DDX4: variants seen among roughly 807,000 people sequenced by gnomAD.
DDX4 encodes probable ATP-dependent RNA helicase DDX4.
Under a neutral mutation model 100.0 loss-of-function variants are expected in DDX4, and 25 were observed. The observed-to-expected ratio is 0.25, with a 90% confidence interval of 0.18 to 0.35. The LOEUF is 0.35. DDX4 is among the 10% of genes least tolerant of loss of function. The pLI is 1.00. For missense variants in DDX4, 635 were observed against 882.4 expected, an observed-to-expected ratio of 0.72 and a Z score of 3.55; for synonymous variants, 259 against 275.7, an observed-to-expected ratio of 0.94 and a Z score of 0.60.
At chr5:55,755,801 CA>C (rs1255794157) in intron 3 of DDX4, among the ~76,000 whole-genome samples, 1 of 151,870 alleles carries the variant, frequency 6.6e-6, no homozygotes, top group Non-Finnish European at 1.5e-5. Flanking sequence ...ATGTACAGCT[CA>C]CTTAATTATC....
intron 7 of DDX4, among the ~76,000 whole-genome samples, chr5:55,769,333 T>C (rs190474226): frequency 6.6e-6 from 1 of 152,306 alleles, no homozygotes; most frequent in East Asian, 1.9e-4. Flanking sequence ...CTTCTGCATA[T>C]GGCTAGCCAG....
chr5:55,790,222 G>A (rs1171581789), intron 15 of DDX4, among the ~76,000 whole-genome samples: 1 of 140,726 alleles, frequency 7.1e-6, no homozygotes, highest in African/African-American at 2.7e-5. Context: ...TCGGCTCACT[G>A]CAACCTCTGC....
At chr5:55,814,353 A>G (rs556484714) in intron 19 of DDX4, among the ~76,000 whole-genome samples, 7 of 152,338 alleles carry the variant, frequency 4.6e-5, no homozygotes, top group Admixed American at 6.5e-5. Flanking sequence ...CTGTCTCTAC[A>G]TATTAGCTGT....
chr5:55,758,169 A>ATG (rs1760059643), intron 3 of DDX4, among the ~76,000 whole-genome samples: 1 of 152,220 alleles, frequency 6.6e-6, no homozygotes, highest in South Asian at 2.1e-4. Context: ...GTGTTAAATT[A>ATG]TGTAATATAC....
chr5:55,802,986 ATG>A (rs1743419633), intron 18 of DDX4, among the ~76,000 whole-genome samples: 1 of 151,924 alleles, frequency 6.6e-6, no homozygotes, highest in African/African-American at 2.4e-5. Context: ...TTTAGGGTAC[ATG>A]TGCACAACAT....
At chr5:55,806,359 T>C (rs1314669381) in intron 18 of DDX4, among the ~76,000 whole-genome samples, 1 of 152,224 alleles carries the variant, frequency 6.6e-6, no homozygotes, top group Non-Finnish European at 1.5e-5. Flanking sequence ...TTTCTTGCCA[T>C]CTGCTAGCTT....
chr5:55,793,537 TA>T (rs1422746625), intron 17 of DDX4, among the ~76,000 whole-genome samples: 1 of 152,240 alleles, frequency 6.6e-6, no homozygotes, highest in Non-Finnish European at 1.5e-5. Flanking sequence ...GGACTCTTGC[TA>T]TTTTCTCTAG....
intron 18 of DDX4, among the ~76,000 whole-genome samples, chr5:55,800,321 TAA>T (rs1743213875): frequency 1.3e-5 from 2 of 150,046 alleles, no homozygotes; most frequent in Admixed American, 6.6e-5. Flanking sequence ...ATAGTCACCT[TAA>T]GTTTTTTTTT....
chr5:55,781,146 G>A lies in DDX4; in HGVS notation c.577G>A (p.Gly193Ser), dbSNP rs1741886845. The A allele has an allele frequency of 6.2e-7, 1 of 1,607,946 alleles. No individual in the cohort carries two copies. The highest frequency in any genetic ancestry group is 8.5e-7 in the Non-Finnish European group (1 of 1,177,776). The change falls in exon 9 of 22, where the codon GGT becomes AGT. Residue 193 changes from glycine to serine, a missense_variant and splice_region_variant. Gly to Ser is a moderately conservative substitution (Grantham distance 56). This residue lies in a region of DDX4 where 446 missense variants were observed against 540.8 expected (regional missense o/e 0.82). Coordinates refer to ENST00000505374, the MANE Select transcript of DDX4 (RefSeq NM_024415.3). ...GSRRPVLSGT[G>S]NGDTSQSRSG... ...TAGAAGACCAGTATTAAGTGGCACAGGTGAGAAATAGAACTTATTACTGAA... is the reference window on the plus strand; with the variant it reads ...TAGAAGACCAGTATTAAGTGGCACAAGTGAGAAATAGAACTTATTACTGAA...
At chr5:55,774,172 CAG>C (rs1741421587) in intron 7 of DDX4, among the ~76,000 whole-genome samples, 1 of 149,016 alleles carries the variant, frequency 6.7e-6, no homozygotes, top group Non-Finnish European at 1.5e-5. Flanking sequence ...GTTTTTGAGA[CAG>C]AGTCTCGCTC....
chr5:55,781,927 C>T lies in DDX4; in HGVS notation c.578-7C>T, dbSNP rs1173568023. On this transcript the variant is annotated splice_polypyrimidine_tract_variant and splice_region_variant and intron_variant, in intron 9 of 21. Coordinates refer to ENST00000505374, the MANE Select transcript of DDX4 (RefSeq NM_024415.3). ...ATCTAAATATGTTGTGAAACAATGCCTTACAGGTAATGGTGATACTTCTCA... is the reference window on the plus strand; with the variant it reads ...ATCTAAATATGTTGTGAAACAATGCTTTACAGGTAATGGTGATACTTCTCA... 1.4e-5 allele frequency: 22 copies of T among 1,613,920 alleles called. No homozygotes were observed. Among genetic ancestry groups the T allele is most frequent in the Non-Finnish European group, 1.9e-5 (22 of 1,179,930 alleles).
Position 55,739,008 on chromosome 5 carries a change from T to A in DDX4, c.45T>A (p.Ser15=). 1 of 1,600,298 alleles carries A rather than the reference T, an allele frequency of 6.2e-7. No individual in the cohort carries two copies. Among genetic ancestry groups the A allele is most frequent in the Non-Finnish European group, 8.6e-7 (1 of 1,167,882 alleles). Residue 15 remains serine, a synonymous_variant, in exon 2 of 22, where the codon TCT becomes TCA. Coordinates refer to ENST00000505374, the MANE Select transcript of DDX4 (RefSeq NM_024415.3). ...AAGCAGAAATCAACCCTCATATGTC[T>A]TCCTATGTTCCCATATTTGAGAAGG... The part of the protein sequence containing the change: ...DWEAEINPHM[S]SYVPIFEKDR...
intron 13 of DDX4, among the ~76,000 whole-genome samples, chr5:55,786,259 A>C (rs906297286): frequency 2.0e-5 from 3 of 152,128 alleles, no homozygotes; most frequent in African/African-American, 7.2e-5. Context: ...AGAATTCTTC[A>C]TATCTCATAG....
chr5:55,808,857 A>G (rs1466159638), intron 18 of DDX4, among the ~76,000 whole-genome samples: 1 of 152,216 alleles, frequency 6.6e-6, no homozygotes, highest in Non-Finnish European at 1.5e-5. Context: ...AGACAGGGAC[A>G]TTTAAGTCTG....
At chr5:55,770,960 G>A (rs1741219648) in intron 7 of DDX4, among the ~76,000 whole-genome samples, 1 of 151,970 alleles carries the variant, frequency 6.6e-6, no homozygotes, top group African/African-American at 2.4e-5. Context: ...TGAGGCAGTC[G>A]AAACCATTTG....
At position 55,766,182 on chromosome 5, in the gene DDX4, G is replaced by C. The variant is rs533360444; in HGVS notation, c.335-1699G>C. 3.3e-5 allele frequency among the ~76,000 whole-genome samples: 5 copies of C among 151,862 alleles called. No homozygotes were observed. In the South Asian group the frequency reaches 1.0e-3, roughly 32 times the overall value. On this transcript the variant is annotated intron_variant, in intron 6 of 21. Coordinates refer to ENST00000505374, the MANE Select transcript of DDX4 (RefSeq NM_024415.3). The stretch of plus-strand genomic sequence containing the variant: ...TGGTATCATTATCTCATTTTTGTTT[G>C]TGCTTAGCTTTATTTCCTAACTGTA...
intron 4 of DDX4, among the ~76,000 whole-genome samples, chr5:55,761,427 G>A (rs1019684051): frequency 2.0e-5 from 3 of 151,968 alleles, no homozygotes; most frequent in African/African-American, 7.2e-5. Context: ...TCATCACTGA[G>A]GCAGATTTTA....
At chr5:55,784,311 AG>A (rs1448087883) in intron 10 of DDX4, among the ~76,000 whole-genome samples, 54 of 152,122 alleles carry the variant, frequency 3.5e-4, no homozygotes, top group Admixed American at 3.5e-3. Flanking sequence ...CAGAAGAGAG[AG>A]AAAATTTGCC....
intron 10 of DDX4, among the ~76,000 whole-genome samples, chr5:55,784,642 C>T (rs535676856): frequency 6.6e-6 from 1 of 152,172 alleles, no homozygotes; most frequent in Non-Finnish European, 1.5e-5. Context: ...TGAATATTTG[C>T]TTTCCTTCTG....
Sources: gnomAD v4.1 joint callset for allele counts (sites outside exome capture counted in the v4.1 genomes callset) on GRCh38, gnomAD v4.1.1 for gene constraint, gnomAD v4.1.1 regional missense constraint, MANE v1.5 for transcripts, NCBI Gene and HGNC (gene_info 2026-07-23, HGNC 2026-07-21) for gene names.